The following RBM24 variants were observed in gnomAD, a reference collection of about 807,000 sequenced individuals.
RBM24 encodes RNA-binding protein 24.
In RBM24, 5 loss-of-function variants were observed where a neutral mutation model predicts 23.6. That is an observed-to-expected ratio of 0.21 (90% CI 0.11 to 0.45). The LOEUF (loss-of-function observed/expected upper bound fraction) is 0.45, where lower values mean the gene tolerates loss of function less well. RBM24 is among the 20% of genes least tolerant of loss of function. The probability of loss-of-function intolerance (pLI) is 0.99; values close to 1 mark genes in which losing one functional copy is unlikely to be tolerated. For synonymous variants in RBM24, 151 were observed against 129.5 expected, an observed-to-expected ratio of 1.17 and a Z score of -1.13; for missense variants, 252 against 314.6, an observed-to-expected ratio of 0.80 and a Z score of 1.51.
At chr6:17,288,502 T>C in intron 3 of RBM24, 1 of 983,732 alleles carries the variant, frequency 1.0e-6, no homozygotes, top group Non-Finnish European at 1.2e-6. Context: ...AGATTATTAG[T>C]CCATTTCACA....
chr6:17,283,037 A>G, intron 2 of RBM24, 109 bp downstream of exon 2: 5 of 750,950 alleles, frequency 6.7e-6, no homozygotes, highest in Non-Finnish European at 1.1e-5. Context: ...TGTGTTTAGT[A>G]AACTTGAACC....
intron 2 of RBM24, 121 bp downstream of exon 2, chr6:17,283,049 T>C (rs1760078197): frequency 1.5e-6 from 1 of 684,778 alleles, no homozygotes; most frequent in Non-Finnish European, 2.5e-6. Flanking sequence ...ACTTGAACCA[T>C]GGCTTGTTAT....
At chr6:17,288,889 A>G in intron 3 of RBM24, 4 of 985,438 alleles carry the variant, frequency 4.1e-6, no homozygotes, top group African/African-American at 1.7e-5. Flanking sequence ...TTAGGGGCCA[A>G]GGATTACTTT....
chr6:17,285,873 C>T (rs1003934788), intron 3 of RBM24, among the ~76,000 whole-genome samples: 4 of 152,166 alleles, frequency 2.6e-5, no homozygotes, highest in African/African-American at 7.2e-5. Context: ...TGGCTCTGTT[C>T]TACCTGATCA....
chr6:17,289,130 G>T, intron 3 of RBM24: 2 of 985,392 alleles, frequency 2.0e-6, no homozygotes, highest in Non-Finnish European at 2.4e-6. Context: ...TGCTAGGCAT[G>T]CACGTTTTAT....
In RBM24 at chr6:17,282,713, A is replaced by T. The variant is rs553820770; in HGVS notation, c.169-92A>T. 10 of 1,504,130 alleles carry T rather than the reference A, an allele frequency of 6.6e-6. No individual in the cohort carries two copies. In the Admixed American group the frequency reaches 1.9e-4, roughly 29 times the overall value. 93.2% of individuals were successfully genotyped at this position (1,504,130 alleles called of 1,614,324 possible). ...AGAAAAAAAGTTTGATCTCAGTTTT[A>T]TCATGAATGACTTCTCCATTGTGAT... On this transcript the variant is annotated intron_variant, in intron 1 of 3. Coordinates refer to ENST00000379052, the MANE Select transcript of RBM24 (RefSeq NM_001143942.2).
chr6:17,282,749 C>T (rs763773716), intron 1 of RBM24, 56 bp from the exon 2 acceptor site: 3 of 1,599,472 alleles, frequency 1.9e-6, no homozygotes, highest in South Asian at 2.2e-5. Flanking sequence ...TCTTGATTTC[C>T]TTCATGGGTT....
intron 3 of RBM24, among the ~76,000 whole-genome samples, chr6:17,291,372 A>T (rs997314849): frequency 5.3e-5 from 8 of 152,192 alleles, no homozygotes; most frequent in African/African-American, 1.9e-4. Flanking sequence ...ACTTAATTAA[A>T]CATTCTTATT....
intron 3 of RBM24, chr6:17,288,314 G>A (rs1305141231): frequency 1.0e-6 from 1 of 985,318 alleles, no homozygotes; most frequent in Non-Finnish European, 1.2e-6. Context: ...AGATAAGAGA[G>A]ACGAACATCA....
intron 3 of RBM24, chr6:17,289,209 G>A (rs1760282754): frequency 2.0e-6 from 2 of 985,266 alleles, no homozygotes; most frequent in Non-Finnish European, 2.4e-6. Context: ...ATGGGTCTCA[G>A]ACTATTAAAA....
chr6:17,292,520 A>C lies in RBM24; in HGVS notation c.*401A>C, dbSNP rs575790362. 4.8e-4 allele frequency: 74 copies of C among 155,456 alleles called. No individual in the cohort carries two copies. The highest frequency in any genetic ancestry group is 9.8e-4 in the Non-Finnish European group (69 of 70,138). 9.6% of individuals were successfully genotyped at this position (155,456 alleles called of 1,614,324 possible). A position where few individuals can be genotyped will look rare whatever the true frequency, so the allele number is the denominator to read the frequency against. On this transcript the variant is annotated 3_prime_UTR_variant, in exon 4 of 4. Transcript: ENST00000379052. ...TGAACCAGGGAATACAGAGCGAGCAATATGTAGCTTGAATTACATTTAAAA... is the reference window on the plus strand; with the variant it reads ...TGAACCAGGGAATACAGAGCGAGCACTATGTAGCTTGAATTACATTTAAAA...
intron 3 of RBM24, chr6:17,288,681 G>A: frequency 1.0e-6 from 1 of 979,716 alleles, no homozygotes; most frequent in Non-Finnish European, 1.2e-6. Flanking sequence ...TAGCATCTGG[G>A]TGAGGGATGA....
chr6:17,289,639 A>G, intron 3 of RBM24: 2 of 985,394 alleles, frequency 2.0e-6, no homozygotes, highest in Non-Finnish European at 2.4e-6. Flanking sequence ...TTGTTCTTGG[A>G]ACTTTGAGAG....
At chr6:17,282,294 G>A (rs753595386) in intron 1 of RBM24, 11 of 1,266,024 alleles carry the variant, frequency 8.7e-6, no homozygotes, top group Non-Finnish European at 1.1e-5. Flanking sequence ...CCTTCCTAGA[G>A]ATTTAAGCGT....
At chr6:17,283,328 A>G (rs1317265215) in intron 2 of RBM24, among the ~76,000 whole-genome samples, 1 of 152,176 alleles carries the variant, frequency 6.6e-6, no homozygotes, top group Non-Finnish European at 1.5e-5. Flanking sequence ...TCCTTTTAGC[A>G]CCAGTTGCAC....
At chr6:17,282,055 C>A (rs1158003638) in intron 1 of RBM24, 15 of 1,266,360 alleles carry the variant, frequency 1.2e-5, no homozygotes, top group Non-Finnish European at 1.5e-5. Flanking sequence ...GGAGGGGCCG[C>A]AACCCTGAAC....
chr6:17,284,772 C>A, intron 3 of RBM24, 61 bp downstream of exon 3: 1 of 1,246,008 alleles, frequency 8.0e-7, no homozygotes, highest in South Asian at 1.2e-5. Context: ...TAACGTGCCT[C>A]TTTGTTATAT....
intron 2 of RBM24, among the ~76,000 whole-genome samples, chr6:17,283,641 T>C (rs1760103260): frequency 6.6e-6 from 1 of 152,202 alleles, no homozygotes. Flanking sequence ...GGTCTTGAAC[T>C]CCTGACCTCA....
chr6:17,290,443 A>G (rs1451346449), intron 3 of RBM24, among the ~76,000 whole-genome samples: 1 of 152,344 alleles, frequency 6.6e-6, no homozygotes, highest in African/African-American at 2.4e-5. Flanking sequence ...ATGGAGATGC[A>G]TGGAATTTTT....
Sources: gnomAD v4.1 joint callset for allele counts (sites outside exome capture counted in the v4.1 genomes callset) on GRCh38, gnomAD v4.1.1 for gene constraint, MANE v1.5 for transcripts, NCBI Gene and HGNC (gene_info 2026-07-23, HGNC 2026-07-21) for gene names.